ADGRB2: variants seen among roughly 807,000 people sequenced by gnomAD.
ADGRB2 encodes the protein adhesion G protein-coupled receptor B2.
Under a neutral mutation model 178.7 loss-of-function variants are expected in ADGRB2, and 47 were observed. The ratio of observed to expected loss-of-function variants is 0.26; its 90% confidence interval spans 0.21 to 0.34. The LOEUF is 0.34. Ranked by LOEUF, ADGRB2 falls within the 10% of genes least tolerant of loss-of-function variation. The probability of loss-of-function intolerance (pLI) is 1.00; values close to 1 mark genes in which losing one functional copy is unlikely to be tolerated. For synonymous variants in ADGRB2, 870 were observed against 912.4 expected (o/e 0.95, Z 0.84); for missense variants, 1,584 against 2,180.8 (o/e 0.73, Z 5.45).
rs1438555857 is a variant in ADGRB2, at chr1:31,761,540, G to A, written c.-191+2344C>T. Among the ~76,000 whole-genome samples the A allele has an allele frequency of 6.6e-6, 1 of 152,148 alleles. No homozygotes were observed. Among genetic ancestry groups the A allele is most frequent in the Non-Finnish European group, 1.5e-5 (1 of 68,026 alleles). On this transcript the variant is annotated intron_variant, in intron 1 of 32. Coordinates refer to ENST00000373658, the MANE Select transcript of ADGRB2 (RefSeq NM_001364857.2). This position sits in a 1 kb window ranked among gnomAD's most constrained non-coding sequence, Gnocchi z 4.2. ...TCTGCAGCCTCTACACTTGAACCAA[G>A]ACCCCAGAGACCATGGCCTGGCTTT...
rs199560963 is a variant in ADGRB2, at chr1:31,735,581, C to T, written c.3352G>A (p.Gly1118Arg). ...AAGTCTCAGAGGCCCCCCCCTTACC[C>T]GGCCCTCTGCTTCTTGGATTTGTCG... ...ISDKSKKQRA[G>R]SERCPWASLL... Residue 1118 changes from glycine to arginine, a missense_variant and splice_region_variant, in exon 24 of 33, where the codon GGG becomes AGG. This residue lies in a region of ADGRB2 where 865 missense variants were observed against 1,192.8 expected (regional missense o/e 0.73). Coordinates refer to ENST00000373658, the MANE Select transcript of ADGRB2 (RefSeq NM_001364857.2). This position sits in a 1 kb window ranked among gnomAD's most constrained non-coding sequence, Gnocchi z 6.0. The T allele has an allele frequency of 2.2e-4, 356 of 1,613,746 alleles. No homozygotes were observed. The highest frequency in any genetic ancestry group is 2.9e-4 in the Non-Finnish European group (342 of 1,179,796).
intron 28 of ADGRB2, among the ~76,000 whole-genome samples, chr1:31,731,861 G>GC (rs1361783617): frequency 6.6e-6 from 1 of 152,146 alleles, no homozygotes; most frequent in Non-Finnish European, 1.5e-5. Flanking sequence ...ATGCCCCTAA[G>GC]CCCCCCACCT....
At chr1:31,731,502 A>C (rs969044385) in intron 28 of ADGRB2, 83 bp from the exon 29 acceptor site, 2 of 1,485,864 alleles carry the variant, frequency 1.3e-6, no homozygotes, top group Non-Finnish European at 1.8e-6. Context: ...GGGAGGTACC[A>C]AGCTTCTGCG....
At position 31,757,414 on chromosome 1, in the gene ADGRB2, G is replaced by C; in HGVS notation, c.-93C>G. 2.7e-6 allele frequency: 2 copies of C among 727,898 alleles called. No homozygotes were observed. The highest frequency in any genetic ancestry group is 4.6e-6 in the Non-Finnish European group (2 of 431,182). 45.1% of individuals were successfully genotyped at this position (727,898 alleles called of 1,614,324 possible). A position where few individuals can be genotyped will look rare whatever the true frequency, so the allele number is the denominator to read the frequency against. ...ACTGAGAGGGAGAGAAAGGGGCGGA[G>C]TTACAGCCAGTGTGCCAGGAACTGC... is the stretch of plus-strand genomic sequence containing the variant. On this transcript the variant is annotated 5_prime_UTR_variant, in exon 2 of 33. Transcript: ENST00000373658.
Position 31,728,777 on chromosome 1 carries a change from A to G in ADGRB2, c.4381-144T>C, listed in dbSNP as rs1439372902. On this transcript the variant is annotated intron_variant, in intron 29 of 32. Transcript: ENST00000373658. This position sits in a 1 kb window ranked among gnomAD's most constrained non-coding sequence, Gnocchi z 6.7. ...CCAGGCCCAGAAGTTGCGGACCTTC[A>G]TGGGGCAGCTTTTCAGGCCTCACTG... The G allele has an allele frequency of 3.1e-6, 2 of 647,282 alleles. No individual in the cohort carries two copies. The highest frequency in any genetic ancestry group is 3.9e-5 in the East Asian group (1 of 25,398). 40.1% of individuals were successfully genotyped at this position (647,282 alleles called of 1,614,324 possible).
At chr1:31,736,072 C>T (rs1035652473) in intron 22 of ADGRB2, among the ~76,000 whole-genome samples, 179 bp from the exon 23 acceptor site, 16 of 152,186 alleles carry the variant, frequency 1.1e-4, no homozygotes, top group African/African-American at 3.9e-4. Context: ...AACAAAGGTC[C>T]AGAACATTAG....
rs1193240184 is a variant in ADGRB2, at chr1:31,740,029, G to A, written c.2064C>T (p.Ser688=). Residue 688 remains serine, a synonymous_variant, in exon 14 of 33, where the codon TCC becomes TCT. Transcript: ENST00000373658. The surrounding 1 kb of genome is among the most constrained non-coding windows in gnomAD (Gnocchi z 5.9). ...CACGGAGCAGGTGCACAGAGCCAGG[G>A]GACACCTGGGGACAGAAAGTGTGTA... ...KEKWDDAQQV[S]PGSVHLLRVV... is the part of the protein sequence containing the mutation. 2 of 1,614,026 alleles carry A rather than the reference G, an allele frequency of 1.2e-6. No homozygotes were observed. Among genetic ancestry groups the A allele is most frequent in the African/African-American group, 2.7e-5 (2 of 74,900 alleles).
Position 31,759,362 on chromosome 1 carries a change from G to T in ADGRB2, c.-190-1851C>A. Reference sequence around the variant, plus strand: ...CTGAGGCTCAGCATATGACAGCTAAGTGTCAGGCAGGATCCTCTGCGGGGT... The same window carrying T: ...CTGAGGCTCAGCATATGACAGCTAATTGTCAGGCAGGATCCTCTGCGGGGT... On this transcript the variant is annotated intron_variant, in intron 1 of 32. Coordinates refer to ENST00000373658, the MANE Select transcript of ADGRB2 (RefSeq NM_001364857.2). This position sits in a 1 kb window ranked among gnomAD's most constrained non-coding sequence, Gnocchi z 4.3. The T allele has an allele frequency of 1.3e-6, 1 of 779,694 alleles. No individual in the cohort carries two copies. Among genetic ancestry groups the T allele is most frequent in the Non-Finnish European group, 2.4e-6 (1 of 417,950 alleles). The allele number at this position is 779,694 out of a possible 1,614,324, so 48.3% of individuals were successfully genotyped here.
intron 21 of ADGRB2, 25 bp downstream of exon 21, chr1:31,736,548 A>G: frequency 1.9e-6 from 3 of 1,608,742 alleles, no homozygotes; most frequent in Non-Finnish European, 2.6e-6. Context: ...GCCCAGCAGC[A>G]GAGTCCAGCA....
chr1:31,727,226 T>G lies in ADGRB2; in HGVS notation c.*194A>C. ...GGGGTTCCAGTGGCTGAGGGGCCTC[T>G]GAGAAACAAGGAAGGGCCCTGGGAC... On this transcript the variant is annotated 3_prime_UTR_variant, in exon 33 of 33. Transcript: ENST00000373658. The surrounding 1 kb of genome is among the most constrained non-coding windows in gnomAD (Gnocchi z 4.4). 3.4e-6 allele frequency: 2 copies of G among 581,604 alleles called. No individual in the cohort carries two copies. Among genetic ancestry groups the G allele is most frequent in the Non-Finnish European group, 5.5e-6 (2 of 361,514 alleles). 36.0% of individuals were successfully genotyped at this position (581,604 alleles called of 1,614,324 possible). A position where few individuals can be genotyped will look rare whatever the true frequency, so the allele number is the denominator to read the frequency against.
In ADGRB2 at chr1:31,744,389, G is replaced by T; in HGVS notation, c.923-32C>A. The stretch of plus-strand genomic sequence containing the variant: ...GAGAGGGACAGCGTCGGCGGCAGGG[G>T]GCACCTCCCAAGCACTCAGTCTCAT... On this transcript the variant is annotated intron_variant, in intron 5 of 32. Transcript: ENST00000373658. This position sits in a 1 kb window ranked among gnomAD's most constrained non-coding sequence, Gnocchi z 6.7. 6.5e-7 allele frequency: 1 copy of T among 1,546,112 alleles called. No individual in the cohort carries two copies. Among genetic ancestry groups the T allele is most frequent in the African/African-American group, 1.4e-5 (1 of 72,880 alleles).
intron 3 of ADGRB2, 32 bp downstream of exon 3, chr1:31,757,169 C>T (rs914806004): frequency 9.3e-6 from 15 of 1,614,008 alleles, no homozygotes; most frequent in Non-Finnish European, 1.2e-5. Flanking sequence ...CAAGCATATT[C>T]GCCTTGCATT....
Position 31,744,377 on chromosome 1 carries a change from T to C in ADGRB2, c.923-20A>G. 1 of 1,547,748 alleles carries C rather than the reference T, an allele frequency of 6.5e-7. No homozygotes were observed. Among genetic ancestry groups the C allele is most frequent in the South Asian group, 1.2e-5 (1 of 83,934 alleles). ...GGTCGCCTACGAGAGAGGGACAGCG[T>C]CGGCGGCAGGGGGCACCTCCCAAGC... On this transcript the variant is annotated intron_variant, in intron 5 of 32. Coordinates refer to ENST00000373658, the MANE Select transcript of ADGRB2 (RefSeq NM_001364857.2). The surrounding 1 kb of genome is among the most constrained non-coding windows in gnomAD (Gnocchi z 6.7).
At chr1:31,738,035 T>C (rs570358692) in intron 18 of ADGRB2, among the ~76,000 whole-genome samples, 165 bp downstream of exon 18, 1 of 152,178 alleles carries the variant, frequency 6.6e-6, no homozygotes, top group South Asian at 2.1e-4. Context: ...ATATCATTGC[T>C]GTGAGCACAA....
intron 6 of ADGRB2, chr1:31,743,631 C>A (rs1309917810): frequency 6.5e-6 from 1 of 153,024 alleles, no homozygotes; most frequent in Non-Finnish European, 1.5e-5. Context: ...ACTCAGGGAG[C>A]AAGGAGCAGG....
chr1:31,764,193 G>A lies in ADGRB2; in HGVS notation c.-500C>T, dbSNP rs1647136505. 2 of 358,566 alleles carry A rather than the reference G, an allele frequency of 5.6e-6. No homozygotes were observed. Among genetic ancestry groups the A allele is most frequent in the African/African-American group, 2.3e-5 (1 of 43,990 alleles). 22.2% of individuals were successfully genotyped at this position (358,566 alleles called of 1,614,324 possible). A position where few individuals can be genotyped will look rare whatever the true frequency, so the allele number is the denominator to read the frequency against. On this transcript the variant is annotated 5_prime_UTR_variant, in exon 1 of 33. Coordinates refer to ENST00000373658, the MANE Select transcript of ADGRB2 (RefSeq NM_001364857.2). The surrounding 1 kb of genome is among the most constrained non-coding windows in gnomAD (Gnocchi z 7.3). The stretch of plus-strand genomic sequence containing the variant: ...CCGAGCACCGCCCGCGCCGCGCGCC[G>A]CCTCCTATTTGCGGGCGGCGGCCGC...
intron 25 of ADGRB2, among the ~76,000 whole-genome samples, chr1:31,734,266 C>T (rs1329686629): frequency 6.6e-6 from 1 of 152,200 alleles, no homozygotes; most frequent in Non-Finnish European, 1.5e-5. Flanking sequence ...AAATCATGAT[C>T]AAAACAACTC....
rs1022066053 is a variant in ADGRB2 at position 31,759,189 on chromosome 1, T to G, written c.-190-1678A>C. Reference sequence around the variant, plus strand: ...GAATGGATACATATGTACACGGACATGCACACAGGTGAAACCCACAGATTC... The same window carrying G: ...GAATGGATACATATGTACACGGACAGGCACACAGGTGAAACCCACAGATTC... On this transcript the variant is annotated intron_variant, in intron 1 of 32. Coordinates refer to ENST00000373658, the MANE Select transcript of ADGRB2 (RefSeq NM_001364857.2). This position sits in a 1 kb window ranked among gnomAD's most constrained non-coding sequence, Gnocchi z 4.3. 1 of 732,590 alleles carries G rather than the reference T, an allele frequency of 1.4e-6. No individual in the cohort carries two copies. Among genetic ancestry groups the G allele is most frequent in the Non-Finnish European group, 2.6e-6 (1 of 390,544 alleles). The allele number at this position is 732,590 out of a possible 1,614,324, so 45.4% of individuals were successfully genotyped here. A position where few individuals can be genotyped will look rare whatever the true frequency, so the allele number is the denominator to read the frequency against.
chr1:31,727,492 C>T lies in ADGRB2; in HGVS notation c.4686G>A (p.Arg1562=), dbSNP rs773706562. 2.6e-5 allele frequency: 42 copies of T among 1,596,640 alleles called. No homozygotes were observed. Among genetic ancestry groups the T allele is most frequent in the Non-Finnish European group, 3.6e-5 (42 of 1,175,208 alleles). Residue 1562 remains arginine, a synonymous_variant, in exon 33 of 33, where the codon CGG becomes CGA. Coordinates refer to ENST00000373658, the MANE Select transcript of ADGRB2 (RefSeq NM_001364857.2). The surrounding 1 kb of genome is among the most constrained non-coding windows in gnomAD (Gnocchi z 4.4). ...AGGCTGCTGCCCGGTGCAGAGTCAG[C>T]CGTTCTCGGGGCTTGGGGGGCAGCG... The part of the protein sequence containing the change: ...LGSLPPKPRE[R]LTLHRAAAWE...
Sources: gnomAD v4.1 joint callset for allele counts (sites outside exome capture counted in the v4.1 genomes callset) on GRCh38, gnomAD v4.1.1 for gene constraint, gnomAD v4.1.1 regional missense constraint, Gnocchi (gnomAD v3.1) non-coding constraint, MANE v1.5 for transcripts, NCBI Gene and HGNC (gene_info 2026-07-23, HGNC 2026-07-21) for gene names.